Variants in CCDC28A observed in about 807,000 individuals in gnomAD.
CCDC28A encodes coiled-coil domain containing 28A.
Under a neutral mutation model 22.1 loss-of-function variants are expected in CCDC28A, and 24 were observed. The ratio of observed to expected loss-of-function variants is 1.09; its 90% CI spans 0.79 to 1.53. The LOEUF (loss-of-function observed/expected upper bound fraction) is 1.53, where lower values mean the gene tolerates loss of function less well. CCDC28A is among the 40% of genes most tolerant of loss of function. The pLI is 0.00. For synonymous variants in CCDC28A, 83 were observed against 74.7 expected (o/e 1.11, Z -0.57); for missense variants, 170 against 210.7 (o/e 0.81, Z 1.20).
chr6:138,778,409 G>A (rs1007459358), intron 2 of CCDC28A, among the ~76,000 whole-genome samples: 11 of 152,148 alleles, frequency 7.2e-5, no homozygotes, highest in African/African-American at 1.7e-4. Flanking sequence ...TTGGTCCCAC[G>A]CTGAACGAAC....
At chr6:138,780,109 T>C (rs1251746050) in intron 3 of CCDC28A, 124 bp downstream of exon 3, 1 of 643,548 alleles carries the variant, frequency 1.6e-6, no homozygotes, top group Non-Finnish European at 2.4e-6. Flanking sequence ...CCCACAGGCA[T>C]AAAGGCAATC....
chr6:138,774,103 A>T (rs1289042915), intron 1 of CCDC28A, among the ~76,000 whole-genome samples: 2 of 152,184 alleles, frequency 1.3e-5, no homozygotes, highest in African/African-American at 4.8e-5. Context: ...GTGAATAAGT[A>T]ACTATGAGCA....
chr6:138,784,353 CTTTT>C (rs10689868), intron 3 of CCDC28A, among the ~76,000 whole-genome samples: 1 of 140,236 alleles, frequency 7.1e-6, no homozygotes, highest in Non-Finnish European at 1.5e-5. Flanking sequence ...TTCTCTTTTT[CTTTT>C]TTTTTTTTTT....
chr6:138,779,881 C>A lies in CCDC28A; in HGVS notation c.218C>A (p.Pro73Gln). ...GAGGGCAAAGGCGCTCAGTCAACTC[C>A]GATCCAGCACTCCTTCCTCACTGAT... The part of the protein sequence containing the change: ...GGEGKGAQST[P>Q]IQHSFLTDVS... Residue 73 changes from proline to glutamine, a missense_variant, in exon 3 of 6, where the codon CCG becomes CAG. Transcript: ENST00000617445. 6.2e-7 allele frequency: 1 copy of A among 1,613,752 alleles called. No individual in the cohort carries two copies. The highest frequency in any genetic ancestry group is 8.5e-7 in the Non-Finnish European group (1 of 1,179,718).
chr6:138,782,956 A>T (rs1057307257), intron 3 of CCDC28A, among the ~76,000 whole-genome samples: 22 of 151,676 alleles, frequency 1.5e-4, no homozygotes, highest in Middle Eastern at 3.4e-3. Flanking sequence ...TTTTTTTTTA[A>T]AAAATTCTAC....
intron 2 of CCDC28A, among the ~76,000 whole-genome samples, chr6:138,778,816 G>A (rs1175057870): frequency 6.7e-6 from 1 of 149,580 alleles, no homozygotes; most frequent in Non-Finnish European, 1.5e-5. Flanking sequence ...CACCCAGGCT[G>A]GAGTGCAGTG....
chr6:138,784,031 C>T (rs1775058410), intron 3 of CCDC28A, among the ~76,000 whole-genome samples: 1 of 152,010 alleles, frequency 6.6e-6, no homozygotes, highest in Non-Finnish European at 1.5e-5. Flanking sequence ...GCACATGCCA[C>T]CACGCCTGGC....
intron 3 of CCDC28A, among the ~76,000 whole-genome samples, chr6:138,781,860 G>T (rs1331921598): frequency 1.3e-5 from 2 of 152,032 alleles, no homozygotes; most frequent in African/African-American, 4.8e-5. Context: ...ATTTAACCTT[G>T]TAAAAGTTTT....
At chr6:138,781,047 C>T (rs9495244) in intron 3 of CCDC28A, among the ~76,000 whole-genome samples, 2,273 of 152,070 alleles carry the variant, frequency 0.015, 63 homozygotes, top group African/African-American at 0.052. Context: ...ACTTAACTTC[C>T]CCATTCCCTC....
chr6:138,782,354 A>G (rs1207372079), intron 3 of CCDC28A, among the ~76,000 whole-genome samples: 2 of 152,224 alleles, frequency 1.3e-5, no homozygotes, highest in Admixed American at 6.5e-5. Context: ...GGCATTTTCC[A>G]GGATATGCTT....
intron 5 of CCDC28A, among the ~76,000 whole-genome samples, chr6:138,789,928 T>C (rs979898600): frequency 6.6e-6 from 1 of 152,192 alleles, no homozygotes; most frequent in Non-Finnish European, 1.5e-5. Flanking sequence ...TACTTGGAAG[T>C]GGGTGGTGTT....
At chr6:138,783,675 T>A (rs1345315788) in intron 3 of CCDC28A, among the ~76,000 whole-genome samples, 1 of 151,594 alleles carries the variant, frequency 6.6e-6, no homozygotes, top group African/African-American at 2.4e-5. Flanking sequence ...CCTGACCTCA[T>A]GATCCACCCG....
chr6:138,781,641 A>G (rs888848805), intron 3 of CCDC28A, among the ~76,000 whole-genome samples: 2 of 152,158 alleles, frequency 1.3e-5, no homozygotes, highest in Admixed American at 6.5e-5. Flanking sequence ...TTTTATTACA[A>G]TTGAGTTTGA....
chr6:138,790,164 T>G (rs1452874216), intron 5 of CCDC28A, among the ~76,000 whole-genome samples: 1 of 149,176 alleles, frequency 6.7e-6, no homozygotes, highest in Non-Finnish European at 1.5e-5. Flanking sequence ...TGTTTGTTTG[T>G]TTGTTTTGAG....
chr6:138,775,671 A>C (rs1774920253), intron 1 of CCDC28A, among the ~76,000 whole-genome samples: 1 of 152,236 alleles, frequency 6.6e-6, no homozygotes, highest in Non-Finnish European at 1.5e-5. Flanking sequence ...AGGCCACCTG[A>C]AGCTTGAATC....
chr6:138,773,975 G>C, intron 1 of CCDC28A, 73 bp downstream of exon 1: 1 of 1,545,968 alleles, frequency 6.5e-7, no homozygotes, highest in South Asian at 1.1e-5. Flanking sequence ...GTCACTGCTG[G>C]GTACTGGGCG....
At chr6:138,778,496 A>G (rs568175062) in intron 2 of CCDC28A, among the ~76,000 whole-genome samples, 59 of 152,260 alleles carry the variant, frequency 3.9e-4, no homozygotes, top group African/African-American at 1.4e-3. Context: ...TATGCCAGAC[A>G]TGTGTAATAA....
chr6:138,785,948 C>T (rs1775088683), intron 4 of CCDC28A, among the ~76,000 whole-genome samples: 2 of 152,164 alleles, frequency 1.3e-5, no homozygotes, highest in African/African-American at 2.4e-5. Flanking sequence ...GGCAGAACGA[C>T]ATTTGCTATT....
intron 3 of CCDC28A, among the ~76,000 whole-genome samples, chr6:138,784,829 G>A (rs1239189174): frequency 6.6e-6 from 1 of 152,066 alleles, no homozygotes; most frequent in Non-Finnish European, 1.5e-5. Context: ...AAATAGCTGG[G>A]ACTACAGGCA....
Sources: allele counts gnomAD v4.1 joint callset (sites outside exome capture counted in the v4.1 genomes callset), GRCh38; gene constraint gnomAD v4.1.1; transcripts MANE v1.5; gene names NCBI Gene and HGNC (gene_info 2026-07-23, HGNC 2026-07-21).